Variants in PDE10A observed in about 807,000 individuals in gnomAD.
PDE10A encodes phosphodiesterase 10A, also known as cAMP and cAMP-inhibited cGMP 3',5'-cyclic phosphodiesterase 10A.
PDE10A carries 39 observed loss-of-function variants against 97.7 expected under a neutral mutation model. The observed-to-expected ratio is 0.40, with a 90% confidence interval of 0.31 to 0.52. The LOEUF (loss-of-function observed/expected upper bound fraction) is 0.52, where lower values mean the gene tolerates loss of function less well. Ranked by LOEUF, PDE10A falls within the 20% of genes least tolerant of loss-of-function variation. The pLI, the probability that PDE10A is intolerant of heterozygous loss-of-function variation, is 0.56. For missense variants in PDE10A, 731 were observed against 1,047.8 expected (o/e 0.70, Z 4.17); for synonymous variants, 371 against 376.8 (o/e 0.98, Z 0.18).
intron 1 of PDE10A, among the ~76,000 whole-genome samples, chr6:165,920,392 C>T (rs374202542): frequency 1.3e-5 from 2 of 152,318 alleles, no homozygotes; most frequent in African/African-American, 4.8e-5. Context: ...AACCAATCAT[C>T]TTCTACATGA....
chr6:165,862,766 C>T (rs1462410017), intron 1 of PDE10A, among the ~76,000 whole-genome samples: 1 of 151,592 alleles, frequency 6.6e-6, no homozygotes. Context: ...GCAACCTCCT[C>T]CTCCCAGGTT....
chr6:165,772,439 C>A (rs1235285677), intron 1 of PDE10A, among the ~76,000 whole-genome samples: 4 of 152,144 alleles, frequency 2.6e-5, no homozygotes, highest in Non-Finnish European at 5.9e-5. Context: ...TTGTAGACAT[C>A]GCCTCCAATG....
At chr6:165,935,836 T>C (rs11961199) in intron 1 of PDE10A, among the ~76,000 whole-genome samples, 11,437 of 152,288 alleles carry the variant, frequency 0.075, 602 homozygotes, top group East Asian at 0.28. Flanking sequence ...TGCTATCTGA[T>C]GCCTTCCACC....
rs143914716 is a variant in PDE10A at position 165,909,746 on chromosome 6, C to G, written c.-615+77783G>C. 2.6e-4 allele frequency among the ~76,000 whole-genome samples: 39 copies of G among 152,308 alleles called. No homozygotes were observed. In the East Asian group the frequency reaches 7.6e-3, roughly 30 times the overall value. On this transcript the variant is annotated intron_variant, in intron 1 of 19. Coordinates refer to the PDE10A transcript ENST00000366882. ...CCCTCTTCTGGCTTCTCACTTAGCT[C>G]AGAGCCAAATGCCTTAGACCAGCCT...
intron 1 of PDE10A, among the ~76,000 whole-genome samples, chr6:165,931,057 C>T (rs975452519): frequency 2.0e-5 from 3 of 152,208 alleles, no homozygotes; most frequent in African/African-American, 4.8e-5. Flanking sequence ...AGATGGGGAC[C>T]TCGCGCATTT....
intron 2 of PDE10A, among the ~76,000 whole-genome samples, chr6:165,504,876 G>T (rs113794762): frequency 8.4e-4 from 128 of 152,154 alleles, no homozygotes; most frequent in African/African-American, 2.9e-3. Flanking sequence ...TCAGATTTCC[G>T]AGCATCTTAT....
intron 1 of PDE10A, among the ~76,000 whole-genome samples, chr6:165,621,160 T>G (rs943202103): frequency 6.6e-6 from 1 of 152,092 alleles, no homozygotes; most frequent in Non-Finnish European, 1.5e-5. Flanking sequence ...CTAATCAAGT[T>G]TTATGTTACT....
upstream of PDE10A, among the ~76,000 whole-genome samples, chr6:165,665,729 G>A (rs1469873938): frequency 2.0e-5 from 3 of 151,852 alleles, no homozygotes; most frequent in Non-Finnish European, 4.4e-5. Flanking sequence ...TAAGAGGGTA[G>A]TTAACACCAG....
At chr6:165,476,402 A>G (rs1208296796) in intron 3 of PDE10A, among the ~76,000 whole-genome samples, 1 of 152,198 alleles carries the variant, frequency 6.6e-6, no homozygotes, top group Non-Finnish European at 1.5e-5. Flanking sequence ...TTTAATTTTA[A>G]AAGAGTCATT....
chr6:165,606,587 T>C (rs1787219858), intron 1 of PDE10A, among the ~76,000 whole-genome samples: 1 of 152,118 alleles, frequency 6.6e-6, no homozygotes, highest in Admixed American at 6.5e-5. Flanking sequence ...AAACTTGCAA[T>C]CTTACCTCAT....
chr6:165,951,442 T>C (rs1017471120), intron 1 of PDE10A, among the ~76,000 whole-genome samples: 3 of 152,154 alleles, frequency 2.0e-5, no homozygotes, highest in African/African-American at 7.2e-5. Context: ...CCTTTCCGTG[T>C]CCAGCATCCT....
intron 1 of PDE10A, among the ~76,000 whole-genome samples, chr6:165,600,548 A>G (rs1241496878): frequency 6.6e-6 from 1 of 152,316 alleles, no homozygotes; most frequent in East Asian, 1.9e-4. Flanking sequence ...TATTTCTTCC[A>G]GGTTCACTGT....
At chr6:165,490,174 A>T (rs1780147399) in intron 2 of PDE10A, among the ~76,000 whole-genome samples, 3 of 152,224 alleles carry the variant, frequency 2.0e-5, no homozygotes, top group Non-Finnish European at 2.9e-5. Context: ...TGAAGGAAAG[A>T]ATCGTAAGAG....
chr6:165,682,201 C>T (rs998205671), intron 1 of PDE10A, among the ~76,000 whole-genome samples: 8 of 152,136 alleles, frequency 5.3e-5, no homozygotes, highest in African/African-American at 1.7e-4. Flanking sequence ...GCTGCGATCA[C>T]GGCTCACTGC....
intron 1 of PDE10A, among the ~76,000 whole-genome samples, chr6:165,871,043 C>T (rs115956288): frequency 0.01 from 1,551 of 152,116 alleles, 23 homozygotes; most frequent in African/African-American, 0.033. Flanking sequence ...GGTAGAGTGA[C>T]GATAGTTAAT....
chr6:165,963,302 A>G (rs1346245106), intron 1 of PDE10A, among the ~76,000 whole-genome samples: 2 of 152,230 alleles, frequency 1.3e-5, no homozygotes, highest in Non-Finnish European at 2.9e-5. Context: ...AATGACTTAC[A>G]TCTGAATAAT....
rs188028869 is a variant in PDE10A at position 165,440,930 on chromosome 6, C to T, written c.1195-5553G>A. On this transcript the variant is annotated intron_variant, in intron 5 of 21. Transcript: ENST00000539869. ...GGAAAAACTATAAAGATACTATCAT[C>T]AGGTATGTTATACATGTAACTAAGC... Among the ~76,000 whole-genome samples the T allele has an allele frequency of 5.8e-3, 886 of 152,208 alleles. 6 individuals carry two copies. The highest frequency in any genetic ancestry group is 0.014 in the Middle Eastern group (4 of 294).
chr6:165,525,199 A>G (rs868139139), intron 2 of PDE10A, among the ~76,000 whole-genome samples: 5 of 152,168 alleles, frequency 3.3e-5, no homozygotes. Context: ...TGTTTGAGTT[A>G]TCTAATTTAT....
At chr6:165,848,099 TTTC>T (rs200588440) in intron 1 of PDE10A, among the ~76,000 whole-genome samples, 5,533 of 152,204 alleles carry the variant, frequency 0.036, 136 homozygotes, top group Middle Eastern at 0.078. Flanking sequence ...TATTTTTTTT[TTTC>T]TCAGGTTCAA....
Sources: allele counts gnomAD v4.1 joint callset (sites outside exome capture counted in the v4.1 genomes callset), GRCh38; gene constraint gnomAD v4.1.1; transcripts MANE v1.5; gene names NCBI Gene and HGNC (gene_info 2026-07-23, HGNC 2026-07-21).